The following NCAM2 variants were observed in gnomAD, a reference collection of about 807,000 sequenced individuals.
The protein encoded by NCAM2 is neural cell adhesion molecule 2.
Under a neutral mutation model 98.1 loss-of-function variants are expected in NCAM2, and 30 were observed. That is an observed-to-expected ratio of 0.31 (90% CI 0.23 to 0.41). NCAM2 has a LOEUF of 0.41. Among genes scored for constraint, NCAM2 ranks in the 10% least tolerant of loss-of-function variants. The pLI is 1.00. For synonymous variants in NCAM2, 368 were observed against 342.4 expected, an observed-to-expected ratio of 1.07 and a Z score of -0.83; for missense variants, 867 against 1,005.8, an observed-to-expected ratio of 0.86 and a Z score of 1.87.
chr21:21,006,365 G>A (rs1053841457), intron 1 of NCAM2, among the ~76,000 whole-genome samples: 1 of 152,086 alleles, frequency 6.6e-6, no homozygotes, highest in African/African-American at 2.4e-5. Context: ...AAATTAGCTG[G>A]GCGTGGTGGT....
intron 1 of NCAM2, among the ~76,000 whole-genome samples, chr21:21,158,592 A>G (rs1437790060): frequency 2.2e-5 from 3 of 139,246 alleles, no homozygotes; most frequent in Non-Finnish European, 4.6e-5. Context: ...CGACAGAGTG[A>G]GACACCGTCC....
intron 12 of NCAM2, among the ~76,000 whole-genome samples, chr21:21,433,520 A>G (rs998537874): frequency 3.3e-5 from 5 of 151,728 alleles, no homozygotes; most frequent in Admixed American, 2.0e-4. Flanking sequence ...CAGGTGGATC[A>G]TGAGGTCAGG....
intron 1 of NCAM2, among the ~76,000 whole-genome samples, chr21:21,047,044 AT>A (rs5842873): frequency 1 from 152,253 of 152,256 alleles, 76,125 homozygotes; most frequent in Middle Eastern, 1. Flanking sequence ...GAAACAGCTT[AT>A]TTTCCTTTTT....
intron 1 of NCAM2, among the ~76,000 whole-genome samples, chr21:21,267,564 C>A (rs755567052): frequency 2.0e-5 from 3 of 151,804 alleles, no homozygotes; most frequent in Non-Finnish European, 2.9e-5. Context: ...AAAGATTTTT[C>A]ACAGTTCATT....
At chr21:21,350,136 T>A (rs2075295626) in intron 8 of NCAM2, among the ~76,000 whole-genome samples, 1 of 152,084 alleles carries the variant, frequency 6.6e-6, no homozygotes, top group Non-Finnish European at 1.5e-5. Flanking sequence ...GAAGTGCTTT[T>A]TTCACATTGC....
At chr21:21,263,762 A>G (rs566345235) in intron 1 of NCAM2, among the ~76,000 whole-genome samples, 1 of 152,274 alleles carries the variant, frequency 6.6e-6, no homozygotes, top group East Asian at 1.9e-4. Flanking sequence ...TGGGGAAAGG[A>G]TGGCTATTCA....
intron 8 of NCAM2, among the ~76,000 whole-genome samples, chr21:21,360,155 A>ATAAT (rs1568977295): frequency 6.6e-6 from 1 of 151,960 alleles, no homozygotes. Context: ...TGCTTTCACA[A>ATAAT]TAATTAATTA....
chr21:21,439,902 C>T (rs1456742499), intron 12 of NCAM2, among the ~76,000 whole-genome samples: 2 of 152,154 alleles, frequency 1.3e-5, no homozygotes, highest in Non-Finnish European at 2.9e-5. Context: ...CATTCATATA[C>T]TGAGTCATTG....
At chr21:21,402,547 G>T (rs1295320144) in intron 9 of NCAM2, among the ~76,000 whole-genome samples, 1 of 152,094 alleles carries the variant, frequency 6.6e-6, no homozygotes, top group Non-Finnish European at 1.5e-5. Flanking sequence ...TTCTGATTTT[G>T]CCCTGGTCCT....
chr21:21,432,345 T>G, intron 12 of NCAM2, 64 bp downstream of exon 12: 1 of 1,460,010 alleles, frequency 6.8e-7, no homozygotes, highest in East Asian at 2.3e-5. Context: ...CCTGTATGAT[T>G]GGCTTTTTCG....
At chr21:21,314,469 G>A (rs1203085017) in intron 5 of NCAM2, among the ~76,000 whole-genome samples, 1 of 151,982 alleles carries the variant, frequency 6.6e-6, no homozygotes, top group African/African-American at 2.4e-5. Context: ...AACTGTTTTG[G>A]GTTTTTCTTG....
intron 5 of NCAM2, among the ~76,000 whole-genome samples, chr21:21,314,759 TTTG>T (rs34346971): frequency 3.8e-4 from 58 of 151,666 alleles, no homozygotes; most frequent in African/African-American, 1.1e-3. Flanking sequence ...ATCCATGAAT[TTTG>T]TTGTTGTTGT....
chr21:21,371,339 C>T (rs1420194640), intron 8 of NCAM2, among the ~76,000 whole-genome samples: 1 of 151,628 alleles, frequency 6.6e-6, no homozygotes, highest in Admixed American at 6.6e-5. Flanking sequence ...TTGTCTTTAC[C>T]TCAGAGTATT....
At chr21:21,523,994 C>CTG (rs1989176168) in intron 16 of NCAM2, among the ~76,000 whole-genome samples, 3 of 151,390 alleles carry the variant, frequency 2.0e-5, no homozygotes, top group Non-Finnish European at 2.9e-5. Context: ...AAGGTAGAGA[C>CTG]TGTCAGAGTA....
At chr21:21,168,980 C>T (rs34734268) in intron 1 of NCAM2, among the ~76,000 whole-genome samples, 47,562 of 151,822 alleles carry the variant, frequency 0.31, 8,648 homozygotes, top group Non-Finnish European at 0.42. Context: ...CCCAGAATGA[C>T]CAATTCAATA....
intron 1 of NCAM2, among the ~76,000 whole-genome samples, chr21:21,046,259 T>C (rs898742125): frequency 1.3e-5 from 2 of 152,180 alleles, no homozygotes; most frequent in Non-Finnish European, 2.9e-5. Flanking sequence ...TACTTATCTT[T>C]TTGTATTGAA....
At chr21:21,166,783 T>A (rs568428605) in intron 1 of NCAM2, among the ~76,000 whole-genome samples, 1 of 152,308 alleles carries the variant, frequency 6.6e-6, no homozygotes, top group African/African-American at 2.4e-5. Context: ...AGATTTTTAT[T>A]TGAATTTGCT....
chr21:21,198,802 G>A lies in NCAM2; in HGVS notation c.56-81776G>A, dbSNP rs373375589. ...AAACTTAGCACATAAAAAAGTACTT[G>A]CTATGAGATTTCTGAATGAATATAA... On this transcript the variant is annotated intron_variant, in intron 1 of 17. Coordinates refer to ENST00000400546, the MANE Select transcript of NCAM2 (RefSeq NM_004540.5). Among the ~76,000 whole-genome samples, 4 of 152,112 alleles carry A rather than the reference G, an allele frequency of 2.6e-5. No homozygotes were observed. In the South Asian group the frequency reaches 6.2e-4, roughly 24 times the overall value.
At chr21:21,515,024 T>A (rs914889365) in intron 16 of NCAM2, among the ~76,000 whole-genome samples, 6 of 152,160 alleles carry the variant, frequency 3.9e-5, no homozygotes, top group Non-Finnish European at 7.4e-5. Context: ...CATAAAAAAA[T>A]TTGCAATTAC....
Sources: allele counts gnomAD v4.1 joint callset (sites outside exome capture counted in the v4.1 genomes callset), GRCh38; gene constraint gnomAD v4.1.1; transcripts MANE v1.5; gene names NCBI Gene and HGNC (gene_info 2026-07-23, HGNC 2026-07-21).